Variants in TMEM8B observed in about 807,000 individuals in gnomAD.
TMEM8B encodes nasopharyngeal carcinoma expressed 6.
TMEM8B carries 29 observed loss-of-function variants against 49.3 expected under a neutral mutation model. The ratio of observed to expected loss-of-function variants is 0.59; its 90% CI spans 0.44 to 0.80. The LOEUF (loss-of-function observed/expected upper bound fraction) is 0.80, where lower values mean the gene tolerates loss of function less well. TMEM8B is among the 30% of genes least tolerant of loss of function. TMEM8B has a pLI of 0.00. For synonymous variants in TMEM8B, 264 were observed against 272.8 expected, an observed-to-expected ratio of 0.97 and a Z score of 0.32; for missense variants, 575 against 658.5, an observed-to-expected ratio of 0.87 and a Z score of 1.39.
rs915646016 is a variant in TMEM8B at position 35,858,165 on chromosome 9, C to A, written c.*4325C>A. 6.9e-6 allele frequency: 1 copy of A among 145,960 alleles called. No homozygotes were observed. Among genetic ancestry groups the A allele is most frequent in the East Asian group, 2.0e-4 (1 of 4,992 alleles). The allele number at this position is 145,960 out of a possible 1,614,324, so 9.0% of individuals were successfully genotyped here. The stretch of plus-strand genomic sequence containing the variant: ...TGTTGCCCAGGCTGGAGTGCAGTGG[C>A]GCCATCTCAGCTCACTGCAGCCTCC... On this transcript the variant is annotated 3_prime_UTR_variant, in exon 13 of 13. Coordinates refer to ENST00000643932, the MANE Select transcript of TMEM8B (RefSeq NM_001042590.4).
chr9:35,847,173 A>G (rs1564037931), intron 10 of TMEM8B, 178 bp downstream of exon 10: 1 of 1,600,108 alleles, frequency 6.2e-7, no homozygotes, highest in Non-Finnish European at 8.6e-7. Context: ...TCATTTTTGT[A>G]AGACACATTG....
rs1588197293 is a variant in TMEM8B, at chr9:35,857,642, C to G, written c.*3802C>G. On this transcript the variant is annotated 3_prime_UTR_variant, in exon 13 of 13. Transcript: ENST00000643932. ...ATGGTAATGGGAGCTGTCAAAAGTC[C>G]TTGATCAGAAGAGTGATGAATCAAT... is the stretch of plus-strand genomic sequence containing the variant. The G allele has an allele frequency of 6.6e-6, 1 of 152,338 alleles. No individual in the cohort carries two copies. The highest frequency in any genetic ancestry group is 1.9e-4 in the East Asian group (1 of 5,188). 9.4% of individuals were successfully genotyped at this position (152,338 alleles called of 1,614,324 possible).
chr9:35,846,327 C>T lies in TMEM8B; in HGVS notation c.1799C>T (p.Pro600Leu), dbSNP rs1831550880. The part of the protein sequence containing the change: ...TRVARLRIPF[P>L]QTGTWFLALR... ...GTTGCCAGGCTGCGAATCCCATTCC[C>T]GCAGACGGGGACCTGGTTCCTGGCC... is the stretch of plus-strand genomic sequence containing the variant. Residue 600 changes from proline (P) to leucine (L), a missense_variant, in exon 8 of 13, where the codon CCG (proline) becomes CTG (leucine). By Grantham distance (98) the Pro-to-Leu change is moderately conservative. Transcript: ENST00000643932. The T allele has an allele frequency of 1.2e-6, 2 of 1,614,176 alleles. No homozygotes were observed. The highest frequency in any genetic ancestry group is 2.2e-5 in the East Asian group (1 of 44,876).
Position 35,853,160 on chromosome 9 carries a change from C to G in TMEM8B, c.2342C>G (p.Ala781Gly). ...VVKQVLYLLG[A>G]MLLSMALQLD... Reference sequence around the variant, plus strand: ...CTCTAGGTGCTGTATTTGCTGGGAGCTATGCTGCTGTCCATGGCTCTGCAG... The same window carrying G: ...CTCTAGGTGCTGTATTTGCTGGGAGGTATGCTGCTGTCCATGGCTCTGCAG... The change falls in exon 12 of 13, where the codon GCT (alanine) becomes GGT (glycine). Residue 781 changes from alanine to glycine, a missense_variant. Transcript: ENST00000643932. The surrounding 1 kb of genome is among the most constrained non-coding windows in gnomAD (Gnocchi z 4.2). 1 of 1,614,096 alleles carries G rather than the reference C, an allele frequency of 6.2e-7. No individual in the cohort carries two copies. Among genetic ancestry groups the G allele is most frequent in the Non-Finnish European group, 8.5e-7 (1 of 1,179,932 alleles).
chr9:35,834,170 G>T (rs193069060), intron 1 of TMEM8B, among the ~76,000 whole-genome samples: 56 of 152,282 alleles, frequency 3.7e-4, no homozygotes, highest in Non-Finnish European at 7.2e-4. Context: ...TTTGGATTTA[G>T]AGAGAGCTAG....
chr9:35,834,834 G>T (rs1235287722), intron 2 of TMEM8B, among the ~76,000 whole-genome samples, 177 bp from the exon 3 acceptor site: 1 of 152,182 alleles, frequency 6.6e-6, no homozygotes, highest in African/African-American at 2.4e-5. Context: ...CTGTGCAAGT[G>T]CTTGAGCTGA....
chr9:35,853,619 G>A lies in TMEM8B; in HGVS notation c.2554G>A (p.Val852Met), dbSNP rs376382927. ...CAGTGCCGTCCTGCTTTATGCTTTT[G>A]TGGAGACCCGGGACAACTACTTCTA... ...AGSAVLLYAF[V>M]ETRDNYFYIH... Residue 852 changes from valine to methionine, a missense_variant, in exon 13 of 13, where the codon GTG (valine) becomes ATG (methionine). Physicochemically the swap from Val to Met is conservative, Grantham distance 21. Coordinates refer to ENST00000643932, the MANE Select transcript of TMEM8B (RefSeq NM_001042590.4). The surrounding 1 kb of genome is among the most constrained non-coding windows in gnomAD (Gnocchi z 4.2). 7 of 1,614,142 alleles carry A rather than the reference G, an allele frequency of 4.3e-6. No homozygotes were observed. In the East Asian group the frequency reaches 1.6e-4, roughly 36 times the overall value.
chr9:35,832,569 C>A (rs945069280), intron 1 of TMEM8B, among the ~76,000 whole-genome samples: 7 of 152,152 alleles, frequency 4.6e-5, no homozygotes, highest in African/African-American at 1.7e-4. Context: ...TTACAAGGAT[C>A]TTTGTGCTTG....
chr9:35,852,695 G>C (rs1332149805), intron 10 of TMEM8B, 132 bp from the exon 11 acceptor site: 32 of 1,058,530 alleles, frequency 3.0e-5, no homozygotes, highest in Admixed American at 8.2e-5. Flanking sequence ...GCATTTCCCA[G>C]ATCTTCTCAT....
chr9:35,833,933 A>C (rs1830168349), intron 1 of TMEM8B, among the ~76,000 whole-genome samples: 1 of 151,990 alleles, frequency 6.6e-6, no homozygotes, highest in African/African-American at 2.4e-5. Flanking sequence ...CAGAAAGGGG[A>C]AGAAAATCAA....
chr9:35,839,229 C>T (rs1830732500), intron 3 of TMEM8B, among the ~76,000 whole-genome samples: 1 of 152,242 alleles, frequency 6.6e-6, no homozygotes, highest in South Asian at 2.1e-4. Flanking sequence ...TCTACCATGC[C>T]TTAGACTCCA....
At chr9:35,845,868 A>C in intron 6 of TMEM8B, 107 bp from the exon 7 acceptor site, 1 of 1,589,822 alleles carries the variant, frequency 6.3e-7, no homozygotes, top group Non-Finnish European at 8.6e-7. Flanking sequence ...GCCGGGAGGA[A>C]TGGGCTGTCC....
intron 3 of TMEM8B, among the ~76,000 whole-genome samples, chr9:35,836,975 G>C (rs889446144): frequency 1.3e-5 from 2 of 152,170 alleles, no homozygotes; most frequent in African/African-American, 4.8e-5. Context: ...AGTCTTATAT[G>C]GTCCTCAAAG....
rs1394220354 is a variant in TMEM8B, at chr9:35,863,304, T to C, written c.*9464T>C. 6.6e-6 allele frequency: 1 copy of C among 152,224 alleles called. No individual in the cohort carries two copies. Among genetic ancestry groups the C allele is most frequent in the Non-Finnish European group, 1.5e-5 (1 of 68,040 alleles). 9.4% of individuals were successfully genotyped at this position (152,224 alleles called of 1,614,324 possible). On this transcript the variant is annotated 3_prime_UTR_variant, in exon 13 of 13. Coordinates refer to ENST00000643932, the MANE Select transcript of TMEM8B (RefSeq NM_001042590.4). ...GGCAGTGCCAGTCTCCTGTTTGCAG[T>C]AACACCTGCTCTTTCTGAAGAGCTA...
At position 35,846,942 on chromosome 9, in the gene TMEM8B, A is replaced by G; in HGVS notation, c.2122A>G (p.Ser708Gly). The change falls in exon 10 of 13, where the codon AGT becomes GGT. Residue 708 changes from serine to glycine, a missense_variant. Physicochemically the swap from Ser to Gly is moderately conservative, Grantham distance 56 (BLOSUM62 0). Transcript: ENST00000643932. ...GCCACCTGTGGTCCTGGCCATTCGG[A>G]GTCGATATGTGCTGGAAGCTGCAGT... The part of the protein sequence containing the change: ...FLPPVVLAIR[S>G]RYVLEAAVYT... The G allele has an allele frequency of 1.2e-6, 2 of 1,614,046 alleles. No individual in the cohort carries two copies. The highest frequency in any genetic ancestry group is 1.6e-4 in the Middle Eastern group (1 of 6,062).
Position 35,864,542 on chromosome 9 carries a change from T to A in TMEM8B, c.*10702T>A. 6.6e-6 allele frequency: 1 copy of A among 152,176 alleles called. No individual in the cohort carries two copies. The highest frequency in any genetic ancestry group is 1.9e-4 in the East Asian group (1 of 5,198). 9.4% of individuals were successfully genotyped at this position (152,176 alleles called of 1,614,324 possible). A position where few individuals can be genotyped will look rare whatever the true frequency, so the allele number is the denominator to read the frequency against. The stretch of plus-strand genomic sequence containing the variant: ...TTCTCAGCCTCAGCTTCCTTACCTA[T>A]ACCATGGAGACGGCAGTATTTCCTT... On this transcript the variant is annotated 3_prime_UTR_variant, in exon 13 of 13. Coordinates refer to ENST00000643932, the MANE Select transcript of TMEM8B (RefSeq NM_001042590.4).
chr9:35,846,094 G>A (rs757919465), intron 7 of TMEM8B, 26 bp downstream of exon 7: 2 of 1,613,300 alleles, frequency 1.2e-6, no homozygotes, highest in African/African-American at 1.3e-5. Flanking sequence ...GGGGAGGAGA[G>A]GAAGCTGCAG....
chr9:35,840,999 G>GACCT, intron 3 of TMEM8B, 135 bp from the exon 4 acceptor site: 1 of 409,020 alleles, frequency 2.4e-6, no homozygotes, highest in East Asian at 3.6e-5. Flanking sequence ...AATTTAGAGA[G>GACCT]ACCTGGGTTA....
Position 35,846,386 on chromosome 9 carries a change from G to T in TMEM8B, c.1853+5G>T. Reference sequence around the variant, plus strand: ...CCTGTGCGGGGTGGGGCCTCGGTGAGCGGTGCGGGGCGGGGCCAGGGCTGG... The same window carrying T: ...CCTGTGCGGGGTGGGGCCTCGGTGATCGGTGCGGGGCGGGGCCAGGGCTGG... On this transcript the variant is annotated splice_donor_5th_base_variant and intron_variant, in intron 8 of 12. Coordinates refer to ENST00000643932, the MANE Select transcript of TMEM8B (RefSeq NM_001042590.4). 1 of 1,609,672 alleles carries T rather than the reference G, an allele frequency of 6.2e-7. No homozygotes were observed. Among genetic ancestry groups the T allele is most frequent in the Non-Finnish European group, 8.5e-7 (1 of 1,177,792 alleles).
Sources: gnomAD v4.1 joint callset for allele counts (sites outside exome capture counted in the v4.1 genomes callset) on GRCh38, gnomAD v4.1.1 for gene constraint, Gnocchi (gnomAD v3.1) non-coding constraint, MANE v1.5 for transcripts, NCBI Gene and HGNC (gene_info 2026-07-23, HGNC 2026-07-21) for gene names.